The following TRIM37 variants were observed in gnomAD, a reference collection of about 807,000 sequenced individuals.
TRIM37 encodes the protein E3 ubiquitin-protein ligase TRIM37.
A neutral mutation model predicts 129.8 loss-of-function variants in TRIM37; 80 were observed. The ratio of observed to expected loss-of-function variants is 0.62; its 90% CI spans 0.51 to 0.74. The LOEUF (loss-of-function observed/expected upper bound fraction) is 0.74. Among genes scored for constraint, TRIM37 ranks in the 30% least tolerant of loss-of-function variants. TRIM37 has a pLI of 0.00. For missense variants in TRIM37, 1,054 were observed against 1,176.5 expected, an observed-to-expected ratio of 0.90 and a Z score of 1.52; for synonymous variants, 389 against 387.1, an observed-to-expected ratio of 1.00 and a Z score of -0.06.
At chr17:58,988,246 T>C (rs1162298752) in intron 24 of TRIM37, among the ~76,000 whole-genome samples, 4 of 152,162 alleles carry the variant, frequency 2.6e-5, no homozygotes, top group African/African-American at 9.7e-5. Context: ...GCTTTTTCTT[T>C]ACAATCTCTA....
chr17:58,986,479 T>C (rs902041022), intron 24 of TRIM37, among the ~76,000 whole-genome samples: 2 of 151,564 alleles, frequency 1.3e-5, no homozygotes, highest in Non-Finnish European at 2.9e-5. Flanking sequence ...CATCATTTTC[T>C]TTTTGATTGC....
chr17:59,065,865 G>A (rs868159392), intron 9 of TRIM37, among the ~76,000 whole-genome samples: 10 of 152,176 alleles, frequency 6.6e-5, no homozygotes, highest in Middle Eastern at 3.2e-3. Context: ...TTATTTCAAT[G>A]TAAGTACGTA....
rs1307788016 is a variant in TRIM37 at position 59,047,731 on chromosome 17, G to A, written c.1619C>T (p.Ser540Phe). Residue 540 changes from serine to phenylalanine, a missense_variant, in exon 16 of 24, where the codon TCC becomes TTC. Around this residue, in one of 3 missense-constraint regions of TRIM37, gnomAD observed 752 missense variants for 870.8 expected, o/e 0.86. Coordinates refer to ENST00000262294, the MANE Select transcript of TRIM37 (RefSeq NM_015294.6). The part of the protein sequence containing the change: ...QLDGSSSSAS[S>F]TATSNTEEND... ...TTCTTCTGTATTACTTGTTGCTGTG[G>A]AACTAGCAGAGGAACTGCTGCCATC... The A allele has an allele frequency of 6.2e-7, 1 of 1,613,780 alleles. No homozygotes were observed. Among genetic ancestry groups the A allele is most frequent in the East Asian group, 2.2e-5 (1 of 44,870 alleles).
At chr17:59,019,514 C>T (rs2036329830) in intron 19 of TRIM37, among the ~76,000 whole-genome samples, 1 of 151,984 alleles carries the variant, frequency 6.6e-6, no homozygotes, top group South Asian at 2.1e-4. Flanking sequence ...TTGAGACCAA[C>T]CTGGCCAACA....
intron 4 of TRIM37, chr17:59,087,944 C>T: frequency 2.4e-6 from 1 of 413,276 alleles, no homozygotes; most frequent in East Asian, 4.3e-5. Context: ...TCATTCTTGT[C>T]CCTTAAATGA....
intron 2 of TRIM37, among the ~76,000 whole-genome samples, chr17:59,102,111 C>CTGG: frequency 6.6e-6 from 1 of 152,032 alleles, no homozygotes; most frequent in Non-Finnish European, 1.5e-5. Context: ...ATCCAAAAGT[C>CTGG]AGTGCTGAAG....
In TRIM37 at chr17:59,056,893, T is replaced by C. The variant is rs1398044714; in HGVS notation, c.1181A>G (p.Asn394Ser). The C allele has an allele frequency of 2.5e-6, 4 of 1,613,718 alleles. No homozygotes were observed. Among genetic ancestry groups the C allele is most frequent in the African/African-American group, 1.3e-5 (1 of 74,896 alleles). ...CTGTTACCTTAAAATCACTGTATCA[T>C]TTTGTGGATTCAAGTATCCTTCATT... is the stretch of plus-strand genomic sequence containing the variant. ...LANEGYLNPQ[N>S]DTVILRFQVR... The change falls in exon 13 of 24, where the codon AAT (asparagine) becomes AGT (serine). Residue 394 changes from asparagine (N) to serine (S), a missense_variant. Around this residue, in one of 3 missense-constraint regions of TRIM37, gnomAD observed 752 missense variants for 870.8 expected, o/e 0.86. Transcript: ENST00000262294.
rs2033780736 is a variant in TRIM37 at position 59,001,608 on chromosome 17, G to T, written c.2802C>A (p.Pro934=). The change falls in exon 23 of 24, where the codon CCC becomes CCA. Residue 934 remains proline (P), a synonymous_variant. Transcript: ENST00000262294. ...FHDSFMVMTQ[P]PDEDTHSSFP... is the part of the protein sequence containing the mutation. ...CATCATGTGCTGCACCTTCATCCGG[G>T]GGCTGTGTCATGACCATGAAGGAGT... is the stretch of plus-strand genomic sequence containing the variant. 1 of 1,613,948 alleles carries T rather than the reference G, an allele frequency of 6.2e-7. No homozygotes were observed. The highest frequency in any genetic ancestry group is 1.3e-5 in the African/African-American group (1 of 74,972).
chr17:59,101,695 TAC>T (rs927750157), intron 2 of TRIM37, among the ~76,000 whole-genome samples: 4,761 of 89,360 alleles, frequency 0.053, 261 homozygotes, highest in African/African-American at 0.15. Flanking sequence ...TATATATATA[TAC>T]ACACACACAC....
chr17:59,020,074 T>C (rs562931574), intron 19 of TRIM37, among the ~76,000 whole-genome samples: 1 of 150,774 alleles, frequency 6.6e-6, no homozygotes, highest in South Asian at 2.1e-4. Flanking sequence ...CTACTAAAAA[T>C]ACAAAAATTA....
At chr17:58,976,967 C>A in the TRIM37 span, among the ~76,000 whole-genome samples, 1 of 152,112 alleles carries the variant, frequency 6.6e-6, no homozygotes, top group Non-Finnish European at 1.5e-5. Context: ...GTGAAGGACA[C>A]TGAATCCCAT....
chr17:59,012,091 T>C (rs530379735), intron 22 of TRIM37, among the ~76,000 whole-genome samples: 25 of 152,342 alleles, frequency 1.6e-4, no homozygotes, highest in African/African-American at 6.0e-4. Flanking sequence ...TTCCTCTGTA[T>C]TTGGTATCTT....
chr17:59,084,374 AGAT>A (rs1299157092), intron 4 of TRIM37, among the ~76,000 whole-genome samples: 21 of 152,210 alleles, frequency 1.4e-4, no homozygotes, highest in Non-Finnish European at 2.9e-4. Flanking sequence ...ACAGCACTAC[AGAT>A]GATATATTCT....
At chr17:58,991,099 C>T (rs1026624644) in intron 24 of TRIM37, among the ~76,000 whole-genome samples, 13 of 148,380 alleles carry the variant, frequency 8.8e-5, no homozygotes, top group Admixed American at 6.8e-4. Flanking sequence ...CATTTAAACC[C>T]AGGAGGCGGA....
chr17:58,996,194 C>T (rs1354933214), downstream of TRIM37, among the ~76,000 whole-genome samples: 2 of 152,014 alleles, frequency 1.3e-5, no homozygotes, highest in Non-Finnish European at 2.9e-5. Context: ...CAGGGCTGGG[C>T]GGGCACAGTG....
At chr17:59,069,199 T>C (rs1442370757) in intron 9 of TRIM37, among the ~76,000 whole-genome samples, 1 of 151,706 alleles carries the variant, frequency 6.6e-6, no homozygotes, top group Non-Finnish European at 1.5e-5. Context: ...ATACAAAACT[T>C]AGCTGGGCGT....
chr17:58,999,934 C>A (rs1452512134), intron 23 of TRIM37, among the ~76,000 whole-genome samples: 1 of 152,144 alleles, frequency 6.6e-6, no homozygotes, highest in Non-Finnish European at 1.5e-5. Context: ...ACTAAAGATG[C>A]CTTAATACTT....
rs150891021 is a variant in TRIM37, at chr17:59,002,913, G to T, written c.2696-1199C>A. On this transcript the variant is annotated intron_variant, in intron 22 of 23. Transcript: ENST00000262294. The stretch of plus-strand genomic sequence containing the variant: ...TTTTTGTTTGTTTTCTTGAGACAGG[G>T]TCTCACTCTGTTACCCAGGCTGGAG... Among the ~76,000 whole-genome samples the T allele has an allele frequency of 3.0e-3, 450 of 152,228 alleles. 2 individuals carry two copies. The highest frequency in any genetic ancestry group is 0.02 in the Middle Eastern group (6 of 294).
At chr17:59,042,431 TAA>T (rs71145517) in intron 16 of TRIM37, among the ~76,000 whole-genome samples, 1,254 of 76,338 alleles carry the variant, frequency 0.016, 28 homozygotes, top group African/African-American at 0.056. Flanking sequence ...AAAAGGAATT[TAA>T]AAAAAAAAAA....
Sources: gnomAD v4.1 joint callset for allele counts (sites outside exome capture counted in the v4.1 genomes callset) on GRCh38, gnomAD v4.1.1 for gene constraint, gnomAD v4.1.1 regional missense constraint, MANE v1.5 for transcripts, NCBI Gene and HGNC (gene_info 2026-07-23, HGNC 2026-07-21) for gene names.